The following SLC30A7 variants were observed in gnomAD, a reference collection of about 807,000 sequenced individuals.
SLC30A7 encodes zinc transporter 7.
SLC30A7 carries 35 observed loss-of-function variants against 46.0 expected under a neutral mutation model. That is an observed-to-expected ratio of 0.76 (90% CI 0.58 to 1.01). SLC30A7 has a LOEUF of 1.01. SLC30A7 is among the 50% of genes least tolerant of loss of function. The probability of loss-of-function intolerance (pLI) is 0.00; values close to 1 mark genes in which losing one functional copy is unlikely to be tolerated. For missense variants in SLC30A7, 464 were observed against 451.1 expected, an observed-to-expected ratio of 1.03 and a Z score of -0.26; for synonymous variants, 147 against 157.8, an observed-to-expected ratio of 0.93 and a Z score of 0.51.
chr1:100,984,946 C>T (rs1424225387), downstream of SLC30A7, among the ~76,000 whole-genome samples: 4 of 152,044 alleles, frequency 2.6e-5, no homozygotes, highest in Non-Finnish European at 5.9e-5. Flanking sequence ...AAAGAAATCA[C>T]AAATAATCTT....
intron 8 of SLC30A7, among the ~76,000 whole-genome samples, chr1:100,948,258 A>T (rs969701361): frequency 6.6e-6 from 1 of 152,062 alleles, no homozygotes; most frequent in Non-Finnish European, 1.5e-5. Flanking sequence ...ATCTCTCCAC[A>T]TTTGCTTGTC....
At chr1:100,962,613 T>C (rs1287890591) in intron 9 of SLC30A7, among the ~76,000 whole-genome samples, 1 of 152,178 alleles carries the variant, frequency 6.6e-6, no homozygotes, top group Non-Finnish European at 1.5e-5. Flanking sequence ...CTTGAAAGCC[T>C]GGAGAGAATG....
chr1:100,935,834 A>G (rs1653931068), intron 8 of SLC30A7, among the ~76,000 whole-genome samples: 1 of 152,184 alleles, frequency 6.6e-6, no homozygotes, highest in Non-Finnish European at 1.5e-5. Flanking sequence ...CTGGGGGACA[A>G]TAGAAGAGGG....
chr1:100,978,545 C>G lies in SLC30A7; in HGVS notation c.*3688C>G, dbSNP rs947606797. Reference sequence around the variant, plus strand: ...GAAAACCGAAGCCCAGAAAAACTCTCATTTGCTCAAAGTCACAGAGAAAAT... The same window carrying G: ...GAAAACCGAAGCCCAGAAAAACTCTGATTTGCTCAAAGTCACAGAGAAAAT... On this transcript the variant is annotated 3_prime_UTR_variant, in exon 11 of 11. Transcript: ENST00000357650. 6.6e-6 allele frequency: 1 copy of G among 152,156 alleles called. No individual in the cohort carries two copies. Among genetic ancestry groups the G allele is most frequent in the African/African-American group, 2.4e-5 (1 of 41,434 alleles). 9.4% of individuals were successfully genotyped at this position (152,156 alleles called of 1,614,324 possible).
At position 100,906,839 on chromosome 1, in the gene SLC30A7, T is replaced by C. The variant is rs1018639307; in HGVS notation, c.183-13T>C. On this transcript the variant is annotated splice_polypyrimidine_tract_variant and intron_variant, in intron 2 of 10. Coordinates refer to ENST00000357650, the MANE Select transcript of SLC30A7 (RefSeq NM_133496.5). ...TTTTATTATAATTTGTCAATGTGTT[T>C]GTTCTTTTCCAGCTTAGGCTTGATT... 21 of 1,577,936 alleles carry C rather than the reference T, an allele frequency of 1.3e-5. No individual in the cohort carries two copies. The highest frequency in any genetic ancestry group is 1.5e-5 in the Non-Finnish European group (17 of 1,147,910).
chr1:100,921,243 T>G (rs1652915486), intron 7 of SLC30A7, among the ~76,000 whole-genome samples: 1 of 152,164 alleles, frequency 6.6e-6, no homozygotes, highest in Non-Finnish European at 1.5e-5. Flanking sequence ...TTATGGTTTA[T>G]GGGAAATTGT....
chr1:100,971,573 C>T (rs1437042509), intron 10 of SLC30A7, among the ~76,000 whole-genome samples: 3 of 152,070 alleles, frequency 2.0e-5, no homozygotes, highest in African/African-American at 4.8e-5. Context: ...GAAATAATAA[C>T]AGCACCAGCA....
At chr1:100,936,053 A>G (rs1193783446) in intron 8 of SLC30A7, among the ~76,000 whole-genome samples, 1 of 152,094 alleles carries the variant, frequency 6.6e-6, no homozygotes, top group Non-Finnish European at 1.5e-5. Flanking sequence ...CCAGATACCA[A>G]TATTTTAAAT....
chr1:100,923,371 G>T (rs189736748), intron 8 of SLC30A7, among the ~76,000 whole-genome samples: 3 of 151,900 alleles, frequency 2.0e-5, no homozygotes, highest in African/African-American at 4.8e-5. Context: ...GTCATAAATG[G>T]AGATTTTTTT....
chr1:100,969,915 A>G (rs932495928), intron 10 of SLC30A7, among the ~76,000 whole-genome samples: 2 of 152,186 alleles, frequency 1.3e-5, no homozygotes, highest in African/African-American at 4.8e-5. Flanking sequence ...CCTTTTCTGC[A>G]TATACCCTAG....
In SLC30A7 at chr1:100,981,494, C is replaced by T. The variant is rs1656930005; in HGVS notation, c.*6637C>T. ...TTGATTCCTTTGGTGAAGATTAAGG[C>T]ATCAAAACATTTCTTAAAATGTTTG... On this transcript the variant is annotated 3_prime_UTR_variant, in exon 11 of 11. Coordinates refer to ENST00000357650, the MANE Select transcript of SLC30A7 (RefSeq NM_133496.5). The T allele has an allele frequency of 6.6e-6, 1 of 152,104 alleles. No individual in the cohort carries two copies. The highest frequency in any genetic ancestry group is 1.5e-5 in the Non-Finnish European group (1 of 68,012). The allele number at this position is 152,104 out of a possible 1,614,324, so 9.4% of individuals were successfully genotyped here.
rs1318927737 is a variant in SLC30A7 at position 100,977,418 on chromosome 1, A to C, written c.*2561A>C. 1 of 152,208 alleles carries C rather than the reference A, an allele frequency of 6.6e-6. No homozygotes were observed. Among genetic ancestry groups the C allele is most frequent in the Non-Finnish European group, 1.5e-5 (1 of 68,040 alleles). 9.4% of individuals were successfully genotyped at this position (152,208 alleles called of 1,614,324 possible). A position where few individuals can be genotyped will look rare whatever the true frequency, so the allele number is the denominator to read the frequency against. Reference sequence around the variant, plus strand: ...CCAGTATACCTATGTGTGCAGCAGTAAAAAATTAGTGAGAAAAAGCAACTT... The same window carrying C: ...CCAGTATACCTATGTGTGCAGCAGTCAAAAATTAGTGAGAAAAAGCAACTT... On this transcript the variant is annotated 3_prime_UTR_variant, in exon 11 of 11. Coordinates refer to ENST00000357650, the MANE Select transcript of SLC30A7 (RefSeq NM_133496.5).
At chr1:100,950,721 C>T (rs1250564798) in intron 8 of SLC30A7, among the ~76,000 whole-genome samples, 1 of 152,142 alleles carries the variant, frequency 6.6e-6, no homozygotes, top group East Asian at 1.9e-4. Context: ...TGAAAGAGCC[C>T]ACAAAGTCAC....
intron 8 of SLC30A7, among the ~76,000 whole-genome samples, chr1:100,950,858 A>T (rs1036127072): frequency 6.6e-6 from 1 of 152,206 alleles, no homozygotes; most frequent in African/African-American, 2.4e-5. Flanking sequence ...CAAGTAGTTT[A>T]TCTGGGAGGT....
chr1:100,904,220 C>G (rs1482541313), intron 2 of SLC30A7, among the ~76,000 whole-genome samples: 1 of 152,178 alleles, frequency 6.6e-6, no homozygotes, highest in Non-Finnish European at 1.5e-5. Context: ...AAAGACTGAA[C>G]TGATGATTGC....
downstream of SLC30A7, among the ~76,000 whole-genome samples, chr1:100,985,991 T>C (rs1657243398): frequency 6.6e-6 from 1 of 152,192 alleles, no homozygotes; most frequent in Non-Finnish European, 1.5e-5. Flanking sequence ...AACAATCCAA[T>C]TTAAAAGTAG....
rs533498010 is a variant in SLC30A7 at position 100,902,351 on chromosome 1, C to G, written c.183-4501C>G. Among the ~76,000 whole-genome samples, 175 of 152,112 alleles carry G rather than the reference C, an allele frequency of 1.2e-3. 1 individual carries two copies. Among genetic ancestry groups the G allele is most frequent in the African/African-American group, 4.1e-3 (170 of 41,474 alleles). On this transcript the variant is annotated intron_variant, in intron 2 of 10. Transcript: ENST00000357650. ...TAAAATTGCCGTGCTATATCCACAC[C>G]TCTTTAAAAGGAACCTGACTGCTAT...
intron 10 of SLC30A7, among the ~76,000 whole-genome samples, chr1:100,970,424 CAATT>C (rs1033871501): frequency 9.9e-5 from 15 of 151,834 alleles, no homozygotes; most frequent in African/African-American, 3.4e-4. Flanking sequence ...CCAGAGTTAC[CAATT>C]AATCTTTAAC....
rs1558014287 is a variant in SLC30A7 at position 100,976,462 on chromosome 1, C to A, written c.*1605C>A. 1 of 152,068 alleles carries A rather than the reference C, an allele frequency of 6.6e-6. No homozygotes were observed. Among genetic ancestry groups the A allele is most frequent in the Non-Finnish European group, 1.5e-5 (1 of 68,012 alleles). The allele number at this position is 152,068 out of a possible 1,614,324, so 9.4% of individuals were successfully genotyped here. On this transcript the variant is annotated 3_prime_UTR_variant, in exon 11 of 11. Coordinates refer to ENST00000357650, the MANE Select transcript of SLC30A7 (RefSeq NM_133496.5). Reference sequence around the variant, plus strand: ...GCTGAGTTGATTTTCTAGGTTCTTACGTATTTGAAAAATAAAATTGCAATT... The same window carrying A: ...GCTGAGTTGATTTTCTAGGTTCTTAAGTATTTGAAAAATAAAATTGCAATT...
Sources: allele counts gnomAD v4.1 joint callset (sites outside exome capture counted in the v4.1 genomes callset), GRCh38; gene constraint gnomAD v4.1.1; transcripts MANE v1.5; gene names NCBI Gene and HGNC (gene_info 2026-07-23, HGNC 2026-07-21).